Variants in ADAM22 observed in about 807,000 individuals in gnomAD.
ADAM22 encodes ADAM metallopeptidase domain 22.
Under a neutral mutation model 144.6 loss-of-function variants are expected in ADAM22, and 65 were observed. The ratio of observed to expected loss-of-function variants is 0.45; its 90% CI spans 0.37 to 0.55. The LOEUF (loss-of-function observed/expected upper bound fraction) is 0.55. Among genes scored for constraint, ADAM22 ranks in the 20% least tolerant of loss-of-function variants. The probability of loss-of-function intolerance (pLI) is 0.00; values close to 1 mark genes in which losing one functional copy is unlikely to be tolerated. For missense variants in ADAM22, 974 were observed against 1,184.9 expected (o/e 0.82, Z 2.61); for synonymous variants, 391 against 412.6 (o/e 0.95, Z 0.63).
Position 87,966,721 on chromosome 7 carries a change from G to GTTTTTTTTTTTTTTTTTTT in ADAM22, c.247-11602_247-11584dup, listed in dbSNP as rs71120012. ...GAGTTCATCTTATCCAAGGAAAGCC[G>GTTTTTTTTTTTTTTTTTTT]TTTTTTTTTTTTTTTTTTTTTTTTT... On this transcript the variant is annotated intron_variant, in intron 2 of 31. Transcript: ENST00000413139. 4.0e-4 allele frequency among the ~76,000 whole-genome samples: 16 copies of GTTTTTTTTTTTTTTTTTTT among 39,888 alleles called. 4 individuals carry two copies. Among genetic ancestry groups the GTTTTTTTTTTTTTTTTTTT allele is most frequent in the South Asian group, 1.7e-3 (1 of 600 alleles). 26.2% of individuals were successfully genotyped at this position (39,888 alleles called of 152,430 possible). A position where few individuals can be genotyped will look rare whatever the true frequency, so the allele number is the denominator to read the frequency against.
At chr7:87,991,965 A>C (rs567065738) in intron 3 of ADAM22, among the ~76,000 whole-genome samples, 58 of 152,304 alleles carry the variant, frequency 3.8e-4, no homozygotes, top group Non-Finnish European at 7.5e-4. Context: ...CACAACTGAA[A>C]GACATTTGAT....
chr7:88,068,379 AG>A (rs1384212037), intron 3 of ADAM22, among the ~76,000 whole-genome samples: 2 of 152,164 alleles, frequency 1.3e-5, no homozygotes, highest in African/African-American at 4.8e-5. Flanking sequence ...CATAGTTTAA[AG>A]ACCTTATGAA....
chr7:88,010,373 G>A (rs1373002170), intron 3 of ADAM22, among the ~76,000 whole-genome samples: 1 of 152,164 alleles, frequency 6.6e-6, no homozygotes, highest in Non-Finnish European at 1.5e-5. Flanking sequence ...GAATTTACTG[G>A]CTCGGGTAAC....
intron 2 of ADAM22, among the ~76,000 whole-genome samples, chr7:87,967,911 A>G (rs1346101680): frequency 6.6e-6 from 1 of 151,700 alleles, no homozygotes; most frequent in Non-Finnish European, 1.5e-5. Context: ...TGGAAAGACT[A>G]TCTGACTGAA....
At chr7:88,130,306 C>A in intron 9 of ADAM22, 82 bp from the exon 10 acceptor site, 5 of 1,022,278 alleles carry the variant, frequency 4.9e-6, no homozygotes, top group Non-Finnish European at 5.8e-6. Context: ...AGGGATCTTT[C>A]AATTGCACCA....
At chr7:87,956,018 C>T (rs1049983614) in intron 2 of ADAM22, among the ~76,000 whole-genome samples, 13 of 152,178 alleles carry the variant, frequency 8.5e-5, no homozygotes, top group Admixed American at 2.0e-4. Context: ...CGATTTTCTA[C>T]GTGCCGTCTG....
intron 3 of ADAM22, among the ~76,000 whole-genome samples, chr7:88,056,163 C>T (rs1209890888): frequency 6.6e-6 from 1 of 152,146 alleles, no homozygotes; most frequent in Non-Finnish European, 1.5e-5. Flanking sequence ...TGGTACTCTG[C>T]ATAGAATATT....
intron 4 of ADAM22, among the ~76,000 whole-genome samples, chr7:88,104,480 C>T (rs1017454058): frequency 2.0e-5 from 3 of 151,584 alleles, no homozygotes; most frequent in East Asian, 1.9e-4. Flanking sequence ...AGAATTTTTG[C>T]ACCACATGTG....
At chr7:88,039,131 GA>G (rs1401235089) in intron 3 of ADAM22, among the ~76,000 whole-genome samples, 8 of 151,886 alleles carry the variant, frequency 5.3e-5, no homozygotes, top group Admixed American at 5.2e-4. Context: ...AAGTTTATGA[GA>G]AGGAGTTTTA....
At chr7:88,181,395 C>T in intron 27 of ADAM22, 110 bp from the exon 28 acceptor site, 12 of 808,428 alleles carry the variant, frequency 1.5e-5, no homozygotes, top group East Asian at 5.6e-5. Flanking sequence ...TTTTTTCTTT[C>T]TTGATTTATT....
chr7:87,995,495 C>T (rs1423124797), intron 3 of ADAM22, among the ~76,000 whole-genome samples: 1 of 152,170 alleles, frequency 6.6e-6, no homozygotes, highest in Non-Finnish European at 1.5e-5. Flanking sequence ...ACTACTAATA[C>T]CTGGGTCCCT....
rs10527361 is a variant in ADAM22, at chr7:87,982,699, A to ATATATATATATATATATATAT, written c.323+4287_323+4288insTATATATATATATATATATAT. 4.0e-3 allele frequency among the ~76,000 whole-genome samples: 251 copies of ATATATATATATATATATATAT among 62,628 alleles called. 1 individual carries two copies. The highest frequency in any genetic ancestry group is 8.9e-3 in the Middle Eastern group (1 of 112). 41.1% of individuals were successfully genotyped at this position (62,628 alleles called of 152,430 possible). A position where few individuals can be genotyped will look rare whatever the true frequency, so the allele number is the denominator to read the frequency against. On this transcript the variant is annotated intron_variant, in intron 3 of 31. Transcript: ENST00000413139. ...TATATATATATATATATATATATAT[A>ATATATATATATATATATATAT]ATTTTTTTTTTTGAGATACAGTTTT... is the stretch of plus-strand genomic sequence containing the variant.
chr7:88,103,843 G>A (rs1019386951), intron 4 of ADAM22, among the ~76,000 whole-genome samples: 2 of 152,064 alleles, frequency 1.3e-5, no homozygotes, highest in African/African-American at 4.8e-5. Context: ...TGAGAAAGTT[G>A]GTTTGTTAGT....
intron 2 of ADAM22, among the ~76,000 whole-genome samples, chr7:87,966,200 A>G (rs1019129261): frequency 2.6e-5 from 4 of 152,174 alleles, no homozygotes; most frequent in African/African-American, 9.7e-5. Flanking sequence ...TCTGTACCAG[A>G]AAAGAGTATC....
chr7:88,029,088 A>G (rs557082993), intron 3 of ADAM22, among the ~76,000 whole-genome samples: 54 of 152,046 alleles, frequency 3.6e-4, no homozygotes, highest in African/African-American at 1.1e-3. Context: ...TTTAAATTCA[A>G]TGTTATTATT....
At chr7:88,009,999 C>T (rs547342622) in intron 3 of ADAM22, among the ~76,000 whole-genome samples, 50 of 151,782 alleles carry the variant, frequency 3.3e-4, no homozygotes, top group African/African-American at 1.2e-3. Context: ...TGTCTACAAC[C>T]ATTCCAACCC....
chr7:88,027,395 A>G (rs1023272371), intron 3 of ADAM22, among the ~76,000 whole-genome samples: 4 of 152,126 alleles, frequency 2.6e-5, no homozygotes, highest in African/African-American at 9.7e-5. Flanking sequence ...TTTTAATTAC[A>G]GTTTTGATCT....
chr7:88,155,079 T>C (rs1300985217), intron 21 of ADAM22, among the ~76,000 whole-genome samples: 1 of 152,148 alleles, frequency 6.6e-6, no homozygotes, highest in East Asian at 1.9e-4. Context: ...AGTACTGAAA[T>C]ATATTGAAGA....
At chr7:88,002,192 G>A (rs1792727472) in intron 3 of ADAM22, among the ~76,000 whole-genome samples, 1 of 152,120 alleles carries the variant, frequency 6.6e-6, no homozygotes, top group South Asian at 2.1e-4. Context: ...TGGTCTCTAG[G>A]ACTCTGTTGC....
Sources: gnomAD v4.1 joint callset for allele counts (sites outside exome capture counted in the v4.1 genomes callset) on GRCh38, gnomAD v4.1.1 for gene constraint, MANE v1.5 for transcripts, NCBI Gene and HGNC (gene_info 2026-07-23, HGNC 2026-07-21) for gene names.